The following TTPA variants were observed in gnomAD, a reference collection of about 807,000 sequenced individuals.
TTPA encodes the protein alpha tocopherol transfer protein, also known as alpha-tocopherol transfer protein.
A neutral mutation model predicts 25.9 loss-of-function variants in TTPA; 23 were observed. The observed-to-expected ratio is 0.89, with a 90% CI of 0.64 to 1.26. The LOEUF is 1.26. Ranked by LOEUF, TTPA falls within the 50% of genes most tolerant of loss-of-function variation. The probability of loss-of-function intolerance (pLI) is 0.00; values close to 1 mark genes in which losing one functional copy is unlikely to be tolerated. For synonymous variants in TTPA, 148 were observed against 137.3 expected, an observed-to-expected ratio of 1.08 and a Z score of -0.54; for missense variants, 337 against 353.1, an observed-to-expected ratio of 0.95 and a Z score of 0.37.
chr8:63,068,929 C>T (rs1168114549), intron 2 of TTPA, among the ~76,000 whole-genome samples: 2 of 152,012 alleles, frequency 1.3e-5, no homozygotes, highest in Non-Finnish European at 2.9e-5. Context: ...CCAAGGTGGA[C>T]AGATCACTTG....
chr8:63,060,020 A>G lies in TTPA; in HGVS notation c.*1232T>C, dbSNP rs1805278724. On this transcript the variant is annotated 3_prime_UTR_variant, in exon 5 of 5. Transcript: ENST00000260116. ...CTTTACCAGATGTTTTTTTAAGTTA[A>G]TATAAATTGCAGGATTTGATTAAAA... 6.6e-6 allele frequency: 1 copy of G among 152,128 alleles called. No homozygotes were observed. Among genetic ancestry groups the G allele is most frequent in the Non-Finnish European group, 1.5e-5 (1 of 68,024 alleles). 9.4% of individuals were successfully genotyped at this position (152,128 alleles called of 1,614,324 possible). A position where few individuals can be genotyped will look rare whatever the true frequency, so the allele number is the denominator to read the frequency against.
chr8:63,083,861 T>C (rs1230399241), intron 1 of TTPA, among the ~76,000 whole-genome samples: 2 of 151,498 alleles, frequency 1.3e-5, no homozygotes, highest in African/African-American at 4.8e-5. Context: ...ATCAGAGTGA[T>C]GAGTTATAGA....
chr8:63,076,672 T>C (rs1805567048), intron 1 of TTPA, among the ~76,000 whole-genome samples: 2 of 152,198 alleles, frequency 1.3e-5, no homozygotes, highest in Admixed American at 1.3e-4. Flanking sequence ...ATTACTTTTT[T>C]TAAAGCAGCT....
chr8:63,069,551 G>A (rs1327176453), intron 2 of TTPA, among the ~76,000 whole-genome samples: 1 of 151,990 alleles, frequency 6.6e-6, no homozygotes, highest in African/African-American at 2.4e-5. Flanking sequence ...AACATAGTGA[G>A]AATGCATCTC....
At chr8:63,072,713 A>G (rs757884273) in intron 2 of TTPA, among the ~76,000 whole-genome samples, 6 of 152,194 alleles carry the variant, frequency 3.9e-5, no homozygotes, top group Non-Finnish European at 7.3e-5. Flanking sequence ...TTTTCTCACA[A>G]TTACCAAAGT....
At chr8:63,082,537 C>A (rs1805680087) in intron 1 of TTPA, among the ~76,000 whole-genome samples, 1 of 152,158 alleles carries the variant, frequency 6.6e-6, no homozygotes, top group Admixed American at 6.5e-5. Context: ...ACCATAAAAA[C>A]CCTAGAAGAA....
downstream of TTPA, among the ~76,000 whole-genome samples, chr8:63,059,244 G>C (rs1805260508): frequency 7.0e-6 from 1 of 142,130 alleles, no homozygotes; most frequent in Middle Eastern, 3.5e-3. Context: ...GTTTTAGCCG[G>C]GATGGTCTCG....
chr8:63,069,806 A>G (rs563666311), intron 2 of TTPA, among the ~76,000 whole-genome samples: 2 of 152,304 alleles, frequency 1.3e-5, no homozygotes, highest in East Asian at 3.9e-4. Flanking sequence ...CCACATGAGA[A>G]TAGTGTCTAT....
rs1805268746 is a variant in TTPA, at chr8:63,059,627, C to A, written c.*1625G>T. Among the ~76,000 whole-genome samples, 1 of 151,826 alleles carries A rather than the reference C, an allele frequency of 6.6e-6. No homozygotes were observed. The highest frequency in any genetic ancestry group is 2.4e-5 in the African/African-American group (1 of 41,346). The stretch of plus-strand genomic sequence containing the variant: ...ATATTCTACATTTTCAAGTTTATAA[C>A]AAAATTAAGAAATTATAAAATACTA... On this transcript the variant is annotated 3_prime_UTR_variant, in exon 5 of 5. Coordinates refer to ENST00000260116, the MANE Select transcript of TTPA (RefSeq NM_000370.3).
chr8:63,082,949 G>T (rs566297068), intron 1 of TTPA, among the ~76,000 whole-genome samples: 9 of 152,240 alleles, frequency 5.9e-5, no homozygotes, highest in Admixed American at 3.3e-4. Context: ...ACTATCTCAC[G>T]CCAGTTAGAA....
At chr8:63,072,060 C>T (rs993638850) in intron 2 of TTPA, among the ~76,000 whole-genome samples, 1 of 152,148 alleles carries the variant, frequency 6.6e-6, no homozygotes, top group Non-Finnish European at 1.5e-5. Context: ...CCTCTGCACC[C>T]TCCTCCACCC....
intron 4 of TTPA, 85 bp from the exon 5 acceptor site, chr8:63,061,510 AT>A: frequency 8.1e-7 from 1 of 1,228,102 alleles, no homozygotes; most frequent in Admixed American, 1.8e-5. Flanking sequence ...AGGTATTCTA[AT>A]AACTTCTAAA....
In TTPA at chr8:63,060,373, G is replaced by T. The variant is rs1440161099; in HGVS notation, c.*879C>A. On this transcript the variant is annotated 3_prime_UTR_variant, in exon 5 of 5. Coordinates refer to ENST00000260116, the MANE Select transcript of TTPA (RefSeq NM_000370.3). ...AATTACATCAACATGATTTCACAGA[G>T]ACCTAAAGATGCCACATAGAGTAGT... is the stretch of plus-strand genomic sequence containing the variant. 1.3e-5 allele frequency: 2 copies of T among 152,076 alleles called. No homozygotes were observed. The highest frequency in any genetic ancestry group is 6.5e-5 in the Admixed American group (1 of 15,276). The allele number at this position is 152,076 out of a possible 1,614,324, so 9.4% of individuals were successfully genotyped here.
chr8:63,065,010 C>A (rs947972842), intron 3 of TTPA, among the ~76,000 whole-genome samples: 1 of 152,158 alleles, frequency 6.6e-6, no homozygotes, highest in Non-Finnish European at 1.5e-5. Context: ...TAATTTTCAT[C>A]CCGTTGTGTT....
intron 1 of TTPA, among the ~76,000 whole-genome samples, chr8:63,075,251 G>A (rs543357095): frequency 1.3e-5 from 2 of 152,244 alleles, no homozygotes; most frequent in African/African-American, 2.4e-5. Context: ...AAATGTTATG[G>A]GTTAACTATG....
Position 63,060,221 on chromosome 8 carries a change from G to A in TTPA, c.*1031C>T, listed in dbSNP as rs1242729495. 6.6e-6 allele frequency: 1 copy of A among 152,076 alleles called. No homozygotes were observed. The highest frequency in any genetic ancestry group is 1.5e-5 in the Non-Finnish European group (1 of 68,018). 9.4% of individuals were successfully genotyped at this position (152,076 alleles called of 1,614,324 possible). On this transcript the variant is annotated 3_prime_UTR_variant, in exon 5 of 5. Transcript: ENST00000260116. ...AGTAAGTATGATTCCATCCCTTTCC[G>A]TGTAGTCATAAGAATGACCATAAGC...
intron 4 of TTPA, among the ~76,000 whole-genome samples, chr8:63,062,849 G>A (rs1805329293): frequency 1.3e-5 from 2 of 152,056 alleles, no homozygotes; most frequent in Non-Finnish European, 2.9e-5. Context: ...ATTAAACAGA[G>A]GGAAGCCAGA....
At position 63,059,789 on chromosome 8, in the gene TTPA, T is replaced by C. The variant is rs537396248; in HGVS notation, c.*1463A>G. ...CCGGTTATTTATTTATTTATTTTTATTTTTATTTTTTAATTTTTTTTGAGA... is the reference window on the plus strand; with the variant it reads ...CCGGTTATTTATTTATTTATTTTTACTTTTATTTTTTAATTTTTTTTGAGA... On this transcript the variant is annotated 3_prime_UTR_variant, in exon 5 of 5. Coordinates refer to ENST00000260116, the MANE Select transcript of TTPA (RefSeq NM_000370.3). 6.6e-6 allele frequency: 1 copy of C among 152,188 alleles called. No homozygotes were observed. The highest frequency in any genetic ancestry group is 2.4e-5 in the African/African-American group (1 of 41,536). 9.4% of individuals were successfully genotyped at this position (152,188 alleles called of 1,614,324 possible).
chr8:63,073,168 T>C (rs1409289147), intron 1 of TTPA, 80 bp from the exon 2 acceptor site: 1 of 1,200,448 alleles, frequency 8.3e-7, no homozygotes, highest in Non-Finnish European at 1.2e-6. Flanking sequence ...GCTTTGGCAT[T>C]GTGTATAAAC....
Sources: allele counts gnomAD v4.1 joint callset (sites outside exome capture counted in the v4.1 genomes callset), GRCh38; gene constraint gnomAD v4.1.1; transcripts MANE v1.5; gene names NCBI Gene and HGNC (gene_info 2026-07-23, HGNC 2026-07-21).